The following PCNX1 variants were observed in gnomAD, a reference collection of about 807,000 sequenced individuals.
PCNX1 encodes pecanex-like protein 1.
In PCNX1, 78 loss-of-function variants were observed where a neutral mutation model predicts 242.2. The observed-to-expected ratio is 0.32, with a 90% CI of 0.27 to 0.39. The LOEUF (loss-of-function observed/expected upper bound fraction) is 0.39, where lower values mean the gene tolerates loss of function less well. Among genes scored for constraint, PCNX1 ranks in the 10% least tolerant of loss-of-function variants. The pLI is 1.00. For missense variants in PCNX1, 2,581 were observed against 2,856.5 expected, an observed-to-expected ratio of 0.90 and a Z score of 2.20; for synonymous variants, 1,024 against 1,032.9, an observed-to-expected ratio of 0.99 and a Z score of 0.17.
chr14:70,997,867 T>C (rs933751687), intron 8 of PCNX1, among the ~76,000 whole-genome samples: 1 of 152,218 alleles, frequency 6.6e-6, no homozygotes, highest in African/African-American at 2.4e-5. Context: ...CAGTGAATTA[T>C]GTGAATGAAA....
chr14:71,036,530 T>C (rs1174167533), intron 19 of PCNX1, among the ~76,000 whole-genome samples: 1 of 152,142 alleles, frequency 6.6e-6, no homozygotes, highest in Non-Finnish European at 1.5e-5. Context: ...TTGCCTACAG[T>C]ATTCAGTACA....
intron 2 of PCNX1, among the ~76,000 whole-genome samples, chr14:70,961,631 G>A (rs57537113): frequency 0.069 from 10,517 of 151,638 alleles, 476 homozygotes; most frequent in East Asian, 0.27. Context: ...TTTAACCTTG[G>A]CCTTCTAAAC....
intron 26 of PCNX1, among the ~76,000 whole-genome samples, chr14:71,067,543 T>C (rs1294875965): frequency 6.6e-6 from 1 of 152,182 alleles, no homozygotes; most frequent in Non-Finnish European, 1.5e-5. Context: ...TGTTGATCTT[T>C]TCAAAAAACC....
intron 7 of PCNX1, among the ~76,000 whole-genome samples, chr14:70,993,638 G>T (rs2059238684): frequency 6.6e-6 from 1 of 152,106 alleles, no homozygotes. Flanking sequence ...ATGCGTTCAT[G>T]CCAAAATACA....
intron 2 of PCNX1, among the ~76,000 whole-genome samples, chr14:70,956,335 G>C (rs997249420): frequency 2.0e-5 from 3 of 151,956 alleles, no homozygotes; most frequent in Non-Finnish European, 4.4e-5. Flanking sequence ...TTGAGGCCAG[G>C]GTTTTGAGAC....
chr14:71,066,684 G>T (rs2061455532), intron 26 of PCNX1, among the ~76,000 whole-genome samples: 1 of 152,154 alleles, frequency 6.6e-6, no homozygotes, highest in Non-Finnish European at 1.5e-5. Context: ...CTTGTCTTGT[G>T]CTGGTTTTCA....
chr14:71,057,573 C>T lies in PCNX1; in HGVS notation c.4701C>T (p.Ser1567=). 6.2e-7 allele frequency: 1 copy of T among 1,613,206 alleles called. No individual in the cohort carries two copies. The highest frequency in any genetic ancestry group is 8.5e-7 in the Non-Finnish European group (1 of 1,179,184). The change falls in exon 26 of 36, where the codon AGC becomes AGT. Residue 1567 remains serine, a synonymous_variant. Transcript: ENST00000304743. Reference sequence around the variant, plus strand: ...ATTTAACTAGATCCCTACAGCACAGCCTCTGTGGTGATTTGCTACTAGGAC... The same window carrying T: ...ATTTAACTAGATCCCTACAGCACAGTCTCTGTGGTGATTTGCTACTAGGAC... ...YEHLTRSLQH[S]LCGDLLLGRW...
chr14:71,035,983 A>G, intron 18 of PCNX1, 82 bp from the exon 19 acceptor site: 1 of 925,828 alleles, frequency 1.1e-6, no homozygotes, highest in South Asian at 1.6e-5. Context: ...ATTAATTCTT[A>G]AACTTTGCCA....
chr14:71,087,160 T>A (rs2062015758), intron 28 of PCNX1, among the ~76,000 whole-genome samples: 1 of 152,172 alleles, frequency 6.6e-6, no homozygotes, highest in African/African-American at 2.4e-5. Context: ...CTACACCCAC[T>A]CTCTTTTATT....
chr14:71,099,182 G>A (rs991114006), intron 30 of PCNX1, among the ~76,000 whole-genome samples: 7 of 137,350 alleles, frequency 5.1e-5, no homozygotes, highest in Non-Finnish European at 7.7e-5. Flanking sequence ...TTTTTGAGAC[G>A]GAGTCTCACT....
At chr14:70,995,998 CT>C in intron 8 of PCNX1, 73 bp downstream of exon 8, 1 of 1,122,042 alleles carries the variant, frequency 8.9e-7, no homozygotes, top group Non-Finnish European at 1.4e-6. Context: ...AATTGCAGTT[CT>C]TTTTTGAGAT....
chr14:71,101,984 A>G lies in PCNX1; in HGVS notation c.5590-6A>G, dbSNP rs774728287. The G allele has an allele frequency of 6.8e-7, 1 of 1,472,358 alleles. No homozygotes were observed. The highest frequency in any genetic ancestry group is 2.0e-5 in the Admixed American group (1 of 51,204). The allele number at this position is 1,472,358 out of a possible 1,614,324, so 91.2% of individuals were successfully genotyped here. On this transcript the variant is annotated splice_polypyrimidine_tract_variant and splice_region_variant and intron_variant, in intron 30 of 35. Coordinates refer to ENST00000304743, the MANE Select transcript of PCNX1 (RefSeq NM_014982.3). ...TTAAAAATTTATATATTATTTTTGT[A>G]TTTAGGATCATTTTACTTCTCCAGA...
intron 1 of PCNX1, among the ~76,000 whole-genome samples, chr14:70,917,412 C>G (rs1335514791): frequency 6.6e-6 from 1 of 152,154 alleles, no homozygotes; most frequent in African/African-American, 2.4e-5. Flanking sequence ...CTCCTTGATC[C>G]ATGGGGCTGG....
chr14:71,041,562 T>C (rs1349846046), intron 19 of PCNX1, among the ~76,000 whole-genome samples: 1 of 152,124 alleles, frequency 6.6e-6, no homozygotes. Context: ...TTTTCATCTC[T>C]GATTTTATTT....
chr14:70,958,958 G>A (rs2140444347), intron 2 of PCNX1, among the ~76,000 whole-genome samples: 1 of 109,682 alleles, frequency 9.1e-6, no homozygotes, highest in African/African-American at 3.5e-5. Flanking sequence ...ATGCCAGATA[G>A]CAAGATATAT....
chr14:70,962,052 T>TATCAGACTTGTAAATGA (rs1278142419), intron 2 of PCNX1, among the ~76,000 whole-genome samples, 174 bp from the exon 3 acceptor site: 2 of 152,054 alleles, frequency 1.3e-5, no homozygotes, highest in Non-Finnish European at 2.9e-5. Flanking sequence ...TAGTTCCAAG[T>TATCAGACTTGTAAATGA]ATCAGACTTG....
chr14:70,934,659 G>A (rs933817544), intron 1 of PCNX1, among the ~76,000 whole-genome samples: 2 of 152,102 alleles, frequency 1.3e-5, no homozygotes, highest in African/African-American at 4.8e-5. Context: ...CAAGTCTCTA[G>A]GAAGTTCCAA....
At chr14:70,912,374 T>C (rs1255638880) in intron 1 of PCNX1, among the ~76,000 whole-genome samples, 2 of 152,204 alleles carry the variant, frequency 1.3e-5, no homozygotes, top group African/African-American at 4.8e-5. Flanking sequence ...ATCTGGAGTG[T>C]GGCCTATTGA....
chr14:70,975,571 G>T (rs544057342), intron 5 of PCNX1, among the ~76,000 whole-genome samples: 8 of 152,114 alleles, frequency 5.3e-5, no homozygotes, highest in South Asian at 2.1e-4. Flanking sequence ...AGATTCTACT[G>T]GGAAGACTCA....
Sources: gnomAD v4.1 joint callset for allele counts (sites outside exome capture counted in the v4.1 genomes callset) on GRCh38, gnomAD v4.1.1 for gene constraint, MANE v1.5 for transcripts, NCBI Gene and HGNC (gene_info 2026-07-23, HGNC 2026-07-21) for gene names.